The following FGD4 variants were observed in gnomAD, a reference collection of about 807,000 sequenced individuals.
FGD4 encodes FYVE, RhoGEF and PH domain containing 4, also known as FYVE, RhoGEF and PH domain-containing protein 4.
A neutral mutation model predicts 102.0 loss-of-function variants in FGD4; 42 were observed. That is an observed-to-expected ratio of 0.41 (90% confidence interval 0.32 to 0.53). The LOEUF (loss-of-function observed/expected upper bound fraction) is 0.53, where lower values mean the gene tolerates loss of function less well. Ranked by LOEUF, FGD4 falls within the 20% of genes least tolerant of loss-of-function variation. FGD4 has a pLI of 0.21. For synonymous variants in FGD4, 380 were observed against 375.7 expected (o/e 1.01, Z -0.13); for missense variants, 902 against 1,078.2 (o/e 0.84, Z 2.29).
intron 4 of FGD4, among the ~76,000 whole-genome samples, chr12:32,586,109 A>G (rs1414121288): frequency 3.9e-5 from 6 of 152,190 alleles, no homozygotes; most frequent in Non-Finnish European, 7.3e-5. Flanking sequence ...ATACAGAGGT[A>G]CAAGGCTAGA....
At chr12:32,589,083 T>C (rs1172333353) in intron 4 of FGD4, among the ~76,000 whole-genome samples, 3 of 152,200 alleles carry the variant, frequency 2.0e-5, no homozygotes, top group Non-Finnish European at 4.4e-5. Flanking sequence ...ATCTGTAAAA[T>C]GGAGATAACA....
chr12:32,580,983 C>A (rs1946570338), intron 3 of FGD4, among the ~76,000 whole-genome samples: 2 of 151,602 alleles, frequency 1.3e-5, no homozygotes, highest in South Asian at 4.2e-4. Flanking sequence ...ACTGTTATGT[C>A]AAGCAGTAAT....
At chr12:32,451,957 T>G (rs1161696686) in intron 1 of FGD4, among the ~76,000 whole-genome samples, 1 of 151,988 alleles carries the variant, frequency 6.6e-6, no homozygotes, top group Non-Finnish European at 1.5e-5. Flanking sequence ...GAGATCCTTC[T>G]TCAAAAACAA....
In FGD4 at chr12:32,422,288, CTTTTTTTTTTTTTTT is replaced by C. The variant is rs770560590; in HGVS notation, c.166+22343_166+22357del. Among the ~76,000 whole-genome samples the C allele has an allele frequency of 8.5e-3, 460 of 54,190 alleles. 11 individuals are homozygous for C. In the Admixed American group the frequency reaches 0.094, roughly 11 times the overall value. The allele number at this position is 54,190 out of a possible 152,430, so 35.6% of individuals were successfully genotyped here. On this transcript the variant is annotated intron_variant, in intron 1 of 16. Transcript: ENST00000534526. Reference sequence around the variant, plus strand: ...TTGAAGCATCTCAAATTGGGAGCTGCTTTTTTTTTTTTTTTTTTTTTTTTTTTTGAGACAGAGTCT... The same window carrying C: ...TTGAAGCATCTCAAATTGGGAGCTGCTTTTTTTTTTTTTGAGACAGAGTCT...
intron 3 of FGD4, 37 bp downstream of exon 3, chr12:32,576,486 G>GGAGAAGGCAGGAGAAA (rs745428859): frequency 6.2e-7 from 1 of 1,611,634 alleles, no homozygotes; most frequent in African/African-American, 1.3e-5. Flanking sequence ...GGCAGGAGAA[G>GGAGAAGGCAGGAGAAA]AAGAAAGCTG....
intron 10 of FGD4, among the ~76,000 whole-genome samples, chr12:32,614,789 G>A (rs1327439684): frequency 6.6e-6 from 1 of 152,196 alleles, no homozygotes. Context: ...AAGACCCTCA[G>A]TTCTTTAGGA....
At chr12:32,420,886 T>C (rs1941602502) in intron 1 of FGD4, among the ~76,000 whole-genome samples, 1 of 152,146 alleles carries the variant, frequency 6.6e-6, no homozygotes, top group African/African-American at 2.4e-5. Context: ...GTAATAATTA[T>C]TTTTTACTTT....
intron 4 of FGD4, among the ~76,000 whole-genome samples, chr12:32,584,344 C>A (rs1046753066): frequency 3.9e-5 from 6 of 152,164 alleles, no homozygotes; most frequent in Non-Finnish European, 7.3e-5. Flanking sequence ...TGCAAACATA[C>A]ATCTCAGTAG....
At chr12:32,611,634 A>G (rs1462979455) in intron 10 of FGD4, among the ~76,000 whole-genome samples, 1 of 152,274 alleles carries the variant, frequency 6.6e-6, no homozygotes. Context: ...TACACCTTGG[A>G]AAAATAGAAT....
intron 15 of FGD4, among the ~76,000 whole-genome samples, chr12:32,634,175 A>G (rs997248832): frequency 3.9e-5 from 6 of 152,098 alleles, no homozygotes; most frequent in African/African-American, 1.5e-4. Flanking sequence ...ACATGCATTT[A>G]AGAATGAAAT....
chr12:32,434,815 C>T (rs899346280), intron 1 of FGD4, among the ~76,000 whole-genome samples: 1 of 152,122 alleles, frequency 6.6e-6, no homozygotes, highest in Non-Finnish European at 1.5e-5. Flanking sequence ...GATGTTTTGA[C>T]CAGATTTTGT....
intron 1 of FGD4, among the ~76,000 whole-genome samples, chr12:32,481,026 G>A (rs554266439): frequency 2.0e-4 from 30 of 149,802 alleles, no homozygotes; most frequent in South Asian, 1.1e-3. Context: ...TATGTTGCCC[G>A]GGCTGGCCTT....
At chr12:32,449,982 G>A (rs985484941) in intron 1 of FGD4, among the ~76,000 whole-genome samples, 3 of 152,014 alleles carry the variant, frequency 2.0e-5, no homozygotes, top group African/African-American at 7.2e-5. Flanking sequence ...ACCCAGGCTG[G>A]AGTGCAATGG....
chr12:32,578,154 A>G (rs1202475116), intron 3 of FGD4, among the ~76,000 whole-genome samples: 2 of 152,148 alleles, frequency 1.3e-5, no homozygotes, highest in African/African-American at 4.8e-5. Context: ...TTTTTTAAGC[A>G]AGTTTGTTCC....
intron 1 of FGD4, among the ~76,000 whole-genome samples, chr12:32,419,112 G>A (rs1337969486): frequency 6.6e-6 from 1 of 152,144 alleles, no homozygotes; most frequent in African/African-American, 2.4e-5. Context: ...TTGGCTCAGG[G>A]CAGGTCCAGA....
In FGD4 at chr12:32,506,633, CTTG is replaced by C. The variant is rs2136649140; in HGVS notation, c.167-57503_167-57501del. On this transcript the variant is annotated intron_variant, in intron 1 of 16. Coordinates refer to ENST00000534526, the MANE Select transcript of FGD4 (RefSeq NM_001370298.3). This position sits in a 1 kb window ranked among gnomAD's most constrained non-coding sequence, Gnocchi z 4.5. Reference sequence around the variant, plus strand: ...CCCTGCACCAACCCACAGGCACCTCCTTGCCCAGGACCACCCCACCCCCTAAGG... The same window carrying C: ...CCCTGCACCAACCCACAGGCACCTCCCCCAGGACCACCCCACCCCCTAAGG... Among the ~76,000 whole-genome samples, 2 of 152,324 alleles carry C rather than the reference CTTG, an allele frequency of 1.3e-5. No homozygotes were observed. Among genetic ancestry groups the C allele is most frequent in the East Asian group, 3.9e-4 (2 of 5,186 alleles).
chr12:32,542,980 G>A (rs901225063), intron 1 of FGD4, among the ~76,000 whole-genome samples: 6 of 152,092 alleles, frequency 3.9e-5, no homozygotes, highest in Non-Finnish European at 8.8e-5. Context: ...TGGAGTTAGC[G>A]TCAGATCCCA....
At chr12:32,629,674 A>G (rs1489586706) in intron 14 of FGD4, among the ~76,000 whole-genome samples, 1 of 151,100 alleles carries the variant, frequency 6.6e-6, no homozygotes, top group Non-Finnish European at 1.5e-5. Flanking sequence ...TCTATCTCCC[A>G]TTTTGTTCAT....
At chr12:32,636,152 A>G (rs1056047967) in intron 15 of FGD4, among the ~76,000 whole-genome samples, 1 of 152,074 alleles carries the variant, frequency 6.6e-6, no homozygotes, top group Admixed American at 6.6e-5. Context: ...TGGTCGCGTA[A>G]AAAAACACCC....
Sources: gnomAD v4.1 joint callset for allele counts (sites outside exome capture counted in the v4.1 genomes callset) on GRCh38, gnomAD v4.1.1 for gene constraint, Gnocchi (gnomAD v3.1) non-coding constraint, MANE v1.5 for transcripts, NCBI Gene and HGNC (gene_info 2026-07-23, HGNC 2026-07-21) for gene names.